The following THSD4 variants were observed in gnomAD, a reference collection of about 807,000 sequenced individuals.
THSD4 encodes thrombospondin type 1 domain containing 4.
Under a neutral mutation model 119.0 loss-of-function variants are expected in THSD4, and 69 were observed. That is an observed-to-expected ratio of 0.58 (90% CI 0.48 to 0.71). The LOEUF (loss-of-function observed/expected upper bound fraction) is 0.71, where lower values mean the gene tolerates loss of function less well. THSD4 is among the 30% of genes least tolerant of loss of function. The probability of loss-of-function intolerance (pLI) is 0.00; values close to 1 mark genes in which losing one functional copy is unlikely to be tolerated. For synonymous variants in THSD4, 524 were observed against 540.4 expected (o/e 0.97, Z 0.42); for missense variants, 1,393 against 1,391.1 (o/e 1.00, Z -0.02).
At chr15:71,222,652 TC>T (rs1159546778) in intron 4 of THSD4, among the ~76,000 whole-genome samples, 1 of 152,110 alleles carries the variant, frequency 6.6e-6, no homozygotes, top group Non-Finnish European at 1.5e-5. Context: ...TCCCAGAACT[TC>T]CCAGAGCAGT....
chr15:71,478,855 C>G (rs768999450), intron 7 of THSD4, among the ~76,000 whole-genome samples: 6 of 152,164 alleles, frequency 3.9e-5, no homozygotes, highest in Admixed American at 2.0e-4. Flanking sequence ...TCTTGGGCTT[C>G]CCTAATGGGC....
At chr15:71,154,190 G>A (rs991665916) in intron 2 of THSD4, among the ~76,000 whole-genome samples, 4 of 152,302 alleles carry the variant, frequency 2.6e-5, no homozygotes, top group East Asian at 3.9e-4. Context: ...ATGGAGCTGC[G>A]ATTCTAGCCT....
chr15:71,748,886 T>C (rs1249648419), intron 14 of THSD4, among the ~76,000 whole-genome samples: 1 of 152,182 alleles, frequency 6.6e-6, no homozygotes, highest in African/African-American at 2.4e-5. Context: ...TCATATGTCT[T>C]GTAAGTGCCT....
chr15:71,430,345 T>G (rs1019647097), intron 7 of THSD4, among the ~76,000 whole-genome samples: 2 of 152,190 alleles, frequency 1.3e-5, no homozygotes, highest in Admixed American at 6.5e-5. Flanking sequence ...TAAGTTAGTT[T>G]TATTAACTTG....
Position 71,771,172 on chromosome 15 carries a change from G to C in THSD4, c.2878G>C (p.Glu960Gln), listed in dbSNP as rs1470133789. ...CDPQLKPEER[E>Q]SCNPQDCVPE... ...CCCTCAGTTGAAACCAGAAGAGAGA[G>C]AATCTTGTAACCCTCAGGACTGTGT... is the stretch of plus-strand genomic sequence containing the variant. Residue 960 changes from glutamate (E) to glutamine (Q), a missense_variant, in exon 17 of 18, where the codon GAA becomes CAA. Coordinates refer to ENST00000261862, the MANE Select transcript of THSD4 (RefSeq NM_024817.3). The C allele has an allele frequency of 3.1e-6, 5 of 1,614,166 alleles. No individual in the cohort carries two copies. Among genetic ancestry groups the C allele is most frequent in the Non-Finnish European group, 4.2e-6 (5 of 1,180,034 alleles).
At chr15:71,762,856 G>A (rs964294024) in intron 15 of THSD4, among the ~76,000 whole-genome samples, 1 of 152,064 alleles carries the variant, frequency 6.6e-6, no homozygotes, top group Non-Finnish European at 1.5e-5. Context: ...ATCACTTGAG[G>A]TGTCAGGAGT....
intron 6 of THSD4, among the ~76,000 whole-genome samples, chr15:71,363,108 A>C (rs1388237227): frequency 6.6e-6 from 1 of 152,162 alleles, no homozygotes; most frequent in African/African-American, 2.4e-5. Context: ...GCTTGCTGTA[A>C]AGGGTACAGA....
intron 16 of THSD4, 137 bp from the exon 17 acceptor site, chr15:71,770,926 TG>T: frequency 7.8e-7 from 1 of 1,278,758 alleles, no homozygotes; most frequent in South Asian, 1.5e-5. Context: ...TGAAGCTGGT[TG>T]ATAGGTACAT....
intron 7 of THSD4, among the ~76,000 whole-genome samples, chr15:71,426,645 G>T (rs1042516926): frequency 6.6e-6 from 1 of 152,158 alleles, no homozygotes; most frequent in African/African-American, 2.4e-5. Context: ...ACCCTTGAAA[G>T]AGGGTAGATA....
At chr15:71,525,367 C>A (rs116663696) in intron 7 of THSD4, among the ~76,000 whole-genome samples, 1 of 152,204 alleles carries the variant, frequency 6.6e-6, no homozygotes, top group South Asian at 2.1e-4. Flanking sequence ...CACTGAACTG[C>A]AGATTTAATT....
chr15:71,534,712 C>T (rs1027084180), intron 7 of THSD4, among the ~76,000 whole-genome samples: 4 of 152,172 alleles, frequency 2.6e-5, no homozygotes, highest in African/African-American at 7.2e-5. Context: ...TGGCCAGGCA[C>T]GATGTCCTGT....
intron 7 of THSD4, among the ~76,000 whole-genome samples, chr15:71,436,534 T>A (rs879647298): frequency 1.3e-5 from 2 of 152,128 alleles, no homozygotes; most frequent in African/African-American, 4.8e-5. Flanking sequence ...GCATATCAGG[T>A]CTGGGGTTCC....
At chr15:71,363,194 CTG>C (rs1596367852) in intron 6 of THSD4, among the ~76,000 whole-genome samples, 1 of 152,184 alleles carries the variant, frequency 6.6e-6, no homozygotes, top group Admixed American at 6.5e-5. Flanking sequence ...GTAGGCCAGT[CTG>C]TGTCACAACT....
At chr15:71,236,463 C>G (rs750502993) in intron 4 of THSD4, among the ~76,000 whole-genome samples, 1 of 152,248 alleles carries the variant, frequency 6.6e-6, no homozygotes, top group Non-Finnish European at 1.5e-5. Context: ...CAGAAATGCT[C>G]TCACACAATA....
chr15:71,601,841 T>G (rs978975488), intron 7 of THSD4, among the ~76,000 whole-genome samples: 1 of 152,240 alleles, frequency 6.6e-6, no homozygotes, highest in East Asian at 1.9e-4. Flanking sequence ...CAGCTCTGTA[T>G]GTGCCACAAA....
At chr15:71,375,417 C>T (rs1032020355) in intron 6 of THSD4, among the ~76,000 whole-genome samples, 2 of 152,156 alleles carry the variant, frequency 1.3e-5, no homozygotes, top group Admixed American at 1.3e-4. Context: ...CTCATCGCTG[C>T]CTATGCTTCT....
At chr15:71,442,618 G>C (rs11072286) in intron 7 of THSD4, among the ~76,000 whole-genome samples, 1 of 53,484 alleles carries the variant, frequency 1.9e-5, no homozygotes, top group African/African-American at 5.9e-5. Flanking sequence ...GTGTGTGTGT[G>C]TATATATATA....
chr15:71,676,663 C>G (rs1249172283), intron 8 of THSD4, among the ~76,000 whole-genome samples: 2 of 152,184 alleles, frequency 1.3e-5, no homozygotes, highest in Non-Finnish European at 2.9e-5. Context: ...CTGGTAACTT[C>G]AACTCTCTGC....
At chr15:71,713,365 C>T (rs1447859167) in intron 8 of THSD4, among the ~76,000 whole-genome samples, 1 of 152,154 alleles carries the variant, frequency 6.6e-6, no homozygotes, top group Non-Finnish European at 1.5e-5. Context: ...TCTGCAGGGC[C>T]CCAGAGGCTG....
Sources: gnomAD v4.1 joint callset for allele counts (sites outside exome capture counted in the v4.1 genomes callset) on GRCh38, gnomAD v4.1.1 for gene constraint, MANE v1.5 for transcripts, NCBI Gene and HGNC (gene_info 2026-07-23, HGNC 2026-07-21) for gene names.